LIMCH1: variants seen among roughly 807,000 people sequenced by gnomAD.
The protein encoded by LIMCH1 is LIM and calponin homology domains-containing protein 1.
A neutral mutation model predicts 176.5 loss-of-function variants in LIMCH1; 113 were observed. That is an observed-to-expected ratio of 0.64 (90% CI 0.55 to 0.75). The LOEUF (loss-of-function observed/expected upper bound fraction) is 0.75, where lower values mean the gene tolerates loss of function less well. Ranked by LOEUF, LIMCH1 falls within the 30% of genes least tolerant of loss-of-function variation. The pLI is 0.00. For missense variants in LIMCH1, 1,674 were observed against 1,814.9 expected (o/e 0.92, Z 1.41); for synonymous variants, 619 against 645.9 (o/e 0.96, Z 0.63).
intron 13 of LIMCH1, among the ~76,000 whole-genome samples, chr4:41,634,488 G>T (rs2093478834): frequency 1.3e-5 from 2 of 152,198 alleles, no homozygotes. Flanking sequence ...CAAGGACCCT[G>T]ATGGCAGTGG....
At chr4:41,494,198 G>A (rs2071604318) in intron 1 of LIMCH1, among the ~76,000 whole-genome samples, 3 of 151,492 alleles carry the variant, frequency 2.0e-5, no homozygotes, top group Non-Finnish European at 4.4e-5. Flanking sequence ...AGCTGATCTA[G>A]GCAAAGCTAC....
intron 18 of LIMCH1, among the ~76,000 whole-genome samples, chr4:41,654,816 A>G (rs1225402327): frequency 6.6e-6 from 1 of 152,200 alleles, no homozygotes; most frequent in Admixed American, 6.5e-5. Flanking sequence ...CAGAGGGATC[A>G]GGTCCTCCTG....
chr4:41,391,003 G>A (rs978303646), intron 1 of LIMCH1, among the ~76,000 whole-genome samples: 2 of 152,104 alleles, frequency 1.3e-5, no homozygotes, highest in African/African-American at 4.8e-5. Context: ...GAACTCGGGA[G>A]CAATTAACAG....
chr4:41,603,751 T>G, intron 2 of LIMCH1, 124 bp from the exon 3 acceptor site: 1 of 621,056 alleles, frequency 1.6e-6, no homozygotes, highest in East Asian at 2.7e-5. Context: ...CCTTAAAAAA[T>G]AATACATTCT....
chr4:41,618,941 G>A (rs977434105), intron 5 of LIMCH1, among the ~76,000 whole-genome samples: 7 of 152,166 alleles, frequency 4.6e-5, no homozygotes, highest in African/African-American at 1.4e-4. Context: ...CTCGGATACA[G>A]TTAGGCTTAT....
chr4:41,501,265 C>T (rs1483464472), intron 2 of LIMCH1, among the ~76,000 whole-genome samples: 1 of 152,212 alleles, frequency 6.6e-6, no homozygotes, highest in Admixed American at 6.5e-5. Flanking sequence ...GAGAAAGAGC[C>T]TGCTAGTGGC....
rs545374618 is a variant in LIMCH1 at position 41,413,332 on chromosome 4, A to C, written c.96+52396A>C. Among the ~76,000 whole-genome samples, 84 of 151,556 alleles carry C rather than the reference A, an allele frequency of 5.5e-4. 1 individual carries two copies. The highest frequency in any genetic ancestry group is 1.9e-3 in the African/African-American group (80 of 41,326). ...CATGGAGCCATGAAAATGTATCTAC[A>C]ATTTGACTTTTTTTTGAGACAAGGT... On this transcript the variant is annotated intron_variant, in intron 1 of 26. Coordinates refer to the LIMCH1 transcript ENST00000313860.
chr4:41,685,879 A>C, intron 28 of LIMCH1, 49 bp downstream of exon 28: 1 of 1,593,308 alleles, frequency 6.3e-7, no homozygotes, highest in Non-Finnish European at 8.5e-7. Flanking sequence ...TTAAAAATTC[A>C]TTTAGTTAGA....
At chr4:41,632,390 A>T (rs886839024) in intron 10 of LIMCH1, among the ~76,000 whole-genome samples, 3 of 152,150 alleles carry the variant, frequency 2.0e-5, no homozygotes, top group Admixed American at 2.0e-4. Context: ...TAGAAGAGAG[A>T]AGGCTATAAA....
rs1157542568 is a variant in LIMCH1, at chr4:41,467,158, T to TATATACACAC, written c.97-27377_97-27376insTATACACACA. On this transcript the variant is annotated intron_variant, in intron 1 of 26. Transcript: ENST00000313860. Reference sequence around the variant, plus strand: ...CCATATATATATGTGTATGTATATATACACACACACACACACACACACACA... The same window carrying TATATACACAC: ...CCATATATATATGTGTATGTATATATATATACACACACACACACACACACACACACACACA... 1.8e-3 allele frequency among the ~76,000 whole-genome samples: 259 copies of TATATACACAC among 143,546 alleles called. 2 individuals carry two copies. The highest frequency in any genetic ancestry group is 6.3e-3 in the African/African-American group (248 of 39,170). The allele number at this position is 143,546 out of a possible 152,430, so 94.2% of individuals were successfully genotyped here.
At chr4:41,690,618 C>T (rs766764141) in intron 30 of LIMCH1, among the ~76,000 whole-genome samples, 3 of 152,100 alleles carry the variant, frequency 2.0e-5, no homozygotes, top group Non-Finnish European at 4.4e-5. Context: ...TTGGTAGTTT[C>T]CTTGGCTATG....
chr4:41,583,257 C>T (rs1444364061), intron 1 of LIMCH1, among the ~76,000 whole-genome samples: 2 of 152,160 alleles, frequency 1.3e-5, no homozygotes, highest in Non-Finnish European at 2.9e-5. Flanking sequence ...TCTATATCTT[C>T]CCAAACCTGA....
At chr4:41,632,131 C>T (rs2093358223) in intron 10 of LIMCH1, among the ~76,000 whole-genome samples, 2 of 152,150 alleles carry the variant, frequency 1.3e-5, no homozygotes, top group South Asian at 2.1e-4. Flanking sequence ...TTCCCAAGCC[C>T]TCTTTTGGGG....
chr4:41,677,560 C>A (rs1174919285), intron 23 of LIMCH1, among the ~76,000 whole-genome samples: 2 of 152,162 alleles, frequency 1.3e-5, no homozygotes, highest in African/African-American at 4.8e-5. Context: ...AAAAGGTAAC[C>A]TAGCAACCTA....
chr4:41,474,617 C>A (rs2154161816), intron 1 of LIMCH1, among the ~76,000 whole-genome samples: 1 of 152,244 alleles, frequency 6.6e-6, no homozygotes, highest in South Asian at 2.1e-4. Context: ...AATAAAACCA[C>A]AATGAGATAT....
intron 1 of LIMCH1, among the ~76,000 whole-genome samples, chr4:41,586,367 C>A (rs1225128180): frequency 2.6e-5 from 4 of 152,018 alleles, no homozygotes; most frequent in Admixed American, 2.6e-4. Flanking sequence ...GCTTTGGCCT[C>A]CCAAAGTGCT....
chr4:41,369,696 G>A (rs1161575497), intron 1 of LIMCH1, among the ~76,000 whole-genome samples: 3 of 148,764 alleles, frequency 2.0e-5, no homozygotes, highest in Non-Finnish European at 4.5e-5. Context: ...TGTGTGTGTG[G>A]TGGGGGGATT....
intron 1 of LIMCH1, among the ~76,000 whole-genome samples, chr4:41,480,977 A>G (rs1173926840): frequency 6.6e-6 from 1 of 151,640 alleles, no homozygotes; most frequent in African/African-American, 2.4e-5. Flanking sequence ...AGAGGATTTA[A>G]TGCTCCCAGG....
rs117885249 is a variant in LIMCH1 at position 41,461,637 on chromosome 4, T to G, written c.97-32899T>G. Among the ~76,000 whole-genome samples the G allele has an allele frequency of 5.5e-4, 83 of 152,264 alleles. No homozygotes were observed. The East Asian group carries it at 0.015, about 28-fold the overall frequency. ...AAAAATAATAAAAAAGAAGCAGGGT[T>G]TACTGGGGTTGTGTTGAGGGCCAGT... On this transcript the variant is annotated intron_variant, in intron 1 of 26. Coordinates refer to the LIMCH1 transcript ENST00000313860.
Sources: allele counts gnomAD v4.1 joint callset (sites outside exome capture counted in the v4.1 genomes callset), GRCh38; gene constraint gnomAD v4.1.1; transcripts MANE v1.5; gene names NCBI Gene and HGNC (gene_info 2026-07-23, HGNC 2026-07-21).